Variants in CPQ observed in about 807,000 individuals in gnomAD.
CPQ encodes carboxypeptidase Q, also known as Ser-Met dipeptidase.
Under a neutral mutation model 45.7 loss-of-function variants are expected in CPQ, and 37 were observed. The ratio of observed to expected loss-of-function variants is 0.81; its 90% CI spans 0.62 to 1.07. CPQ has a LOEUF of 1.07. CPQ is among the 50% of genes least tolerant of loss of function. The pLI is 0.00. For missense variants in CPQ, 537 were observed against 572.9 expected (o/e 0.94, Z 0.64); for synonymous variants, 186 against 205.8 (o/e 0.90, Z 0.82).
At chr8:96,972,652 T>G (rs1813699164) in intron 5 of CPQ, among the ~76,000 whole-genome samples, 1 of 152,130 alleles carries the variant, frequency 6.6e-6, no homozygotes, top group Non-Finnish European at 1.5e-5. Context: ...GCTAATTCCA[T>G]CAGAGCAGGT....
chr8:96,893,554 A>G (rs552084691), intron 4 of CPQ, among the ~76,000 whole-genome samples: 10 of 152,166 alleles, frequency 6.6e-5, no homozygotes, highest in Non-Finnish European at 1.5e-4. Flanking sequence ...GTCCCACATA[A>G]TCCCAACAAT....
intron 7 of CPQ, among the ~76,000 whole-genome samples, chr8:97,140,151 A>G (rs1474764488): frequency 6.6e-6 from 1 of 151,964 alleles, no homozygotes; most frequent in Non-Finnish European, 1.5e-5. Context: ...GAGCATTTAG[A>G]CAAAACTCAC....
At chr8:96,996,610 GTGTATCTGTACATA>G (rs1809182696) in intron 5 of CPQ, among the ~76,000 whole-genome samples, 1 of 151,980 alleles carries the variant, frequency 6.6e-6, no homozygotes, top group Non-Finnish European at 1.5e-5. Context: ...GAGTCAAAAT[GTGTATCTGTACATA>G]GTATATTTAT....
intron 4 of CPQ, among the ~76,000 whole-genome samples, chr8:96,926,656 C>T (rs1328573199): frequency 6.7e-6 from 1 of 150,244 alleles, no homozygotes; most frequent in Non-Finnish European, 1.5e-5. Flanking sequence ...TCTCCTTCTC[C>T]TTCTCCCTAT....
intron 4 of CPQ, among the ~76,000 whole-genome samples, chr8:96,965,608 A>G (rs1272518588): frequency 6.6e-6 from 1 of 152,000 alleles, no homozygotes; most frequent in East Asian, 1.9e-4. Flanking sequence ...TGACCTCGTG[A>G]TCCACCCGCC....
At chr8:96,947,308 G>A (rs899118647) in intron 4 of CPQ, among the ~76,000 whole-genome samples, 47 of 152,258 alleles carry the variant, frequency 3.1e-4, no homozygotes, top group African/African-American at 1.1e-3. Context: ...TAATGGAGTA[G>A]GCTATATCAT....
chr8:96,757,559 A>G lies in CPQ; in HGVS notation c.-34-27305A>G, dbSNP rs191537842. 4.7e-3 allele frequency among the ~76,000 whole-genome samples: 716 copies of G among 151,690 alleles called. 11 individuals carry two copies. The highest frequency in any genetic ancestry group is 0.012 in the African/African-American group (505 of 41,430). On this transcript the variant is annotated intron_variant, in intron 1 of 7. Coordinates refer to ENST00000220763, the MANE Select transcript of CPQ (RefSeq NM_016134.4). ...CTTCAGTTTCATTCTGTTCTTCATTATTGTCAATATGCTTTTAAACTCTTG... is the reference window on the plus strand; with the variant it reads ...CTTCAGTTTCATTCTGTTCTTCATTGTTGTCAATATGCTTTTAAACTCTTG...
At chr8:96,948,786 A>C (rs1156426180) in intron 4 of CPQ, among the ~76,000 whole-genome samples, 1 of 151,790 alleles carries the variant, frequency 6.6e-6, no homozygotes. Context: ...TTCTTCCTTC[A>C]GTTCTGTTAA....
At chr8:96,759,912 G>A (rs1333973400) in intron 1 of CPQ, among the ~76,000 whole-genome samples, 1 of 152,146 alleles carries the variant, frequency 6.6e-6, no homozygotes, top group Non-Finnish European at 1.5e-5. Flanking sequence ...AGTAGGAATT[G>A]TTATTATTCC....
chr8:96,657,271 G>A (rs753779869), intron 1 of CPQ, among the ~76,000 whole-genome samples: 1 of 152,096 alleles, frequency 6.6e-6, no homozygotes, highest in African/African-American at 2.4e-5. Flanking sequence ...CTTGAACCCA[G>A]GAGGCAGAGG....
intron 1 of CPQ, among the ~76,000 whole-genome samples, chr8:96,700,990 T>C (rs569327519): frequency 2.0e-5 from 3 of 152,346 alleles, no homozygotes; most frequent in African/African-American, 7.2e-5. Context: ...TTGTGGAATA[T>C]TCCCAGATGT....
At chr8:96,725,154 T>C (rs1809820054) in intron 1 of CPQ, among the ~76,000 whole-genome samples, 1 of 152,218 alleles carries the variant, frequency 6.6e-6, no homozygotes, top group African/African-American at 2.4e-5. Context: ...GGATGTACCA[T>C]TCTGGACATT....
At chr8:96,771,180 TA>T in intron 1 of CPQ, among the ~76,000 whole-genome samples, 1 of 150,090 alleles carries the variant, frequency 6.7e-6, no homozygotes, top group South Asian at 2.1e-4. Flanking sequence ...TTTAAACTTT[TA>T]AAAAATCAGA....
At chr8:97,099,093 G>A (rs1811256325) in intron 7 of CPQ, among the ~76,000 whole-genome samples, 2 of 136,098 alleles carry the variant, frequency 1.5e-5, no homozygotes, top group Admixed American at 1.5e-4. Context: ...TCTGGAAGAA[G>A]TCCCAAAACT....
At chr8:96,819,442 T>C (rs1440432220) in intron 2 of CPQ, among the ~76,000 whole-genome samples, 1 of 151,920 alleles carries the variant, frequency 6.6e-6, no homozygotes, top group African/African-American at 2.4e-5. Flanking sequence ...ATTTTTAAGA[T>C]TAGGAAACAA....
Position 96,919,210 on chromosome 8 carries a change from C to T in CPQ, c.849+39205C>T, listed in dbSNP as rs79438090. On this transcript the variant is annotated intron_variant, in intron 4 of 7. Transcript: ENST00000220763. ...GCCAAGTTAAACCTGAAGTCCCATA[C>T]CTGGTCTACATTTTGTATGACCACA... is the stretch of plus-strand genomic sequence containing the variant. Among the ~76,000 whole-genome samples, 849 of 152,104 alleles carry T rather than the reference C, an allele frequency of 5.6e-3. 8 individuals are homozygous for T. Among genetic ancestry groups the T allele is most frequent in the African/African-American group, 0.019 (787 of 41,476 alleles).
At chr8:96,886,215 G>A (rs1812305559) in intron 4 of CPQ, among the ~76,000 whole-genome samples, 2 of 152,146 alleles carry the variant, frequency 1.3e-5, no homozygotes, top group South Asian at 4.1e-4. Context: ...GTGCATGAGT[G>A]CACTTCACTG....
chr8:96,926,869 TC>T (rs1387501122), intron 4 of CPQ, among the ~76,000 whole-genome samples: 2 of 152,032 alleles, frequency 1.3e-5, no homozygotes, highest in African/African-American at 4.8e-5. Context: ...GATGTTCCCC[TC>T]CCTGTGTCCA....
intron 5 of CPQ, among the ~76,000 whole-genome samples, chr8:96,966,826 T>C (rs1030625349): frequency 5.3e-5 from 8 of 152,232 alleles, no homozygotes; most frequent in African/African-American, 1.9e-4. Flanking sequence ...ACAGAAAATA[T>C]TTTGACCACC....
Sources: gnomAD v4.1 joint callset for allele counts (sites outside exome capture counted in the v4.1 genomes callset) on GRCh38, gnomAD v4.1.1 for gene constraint, MANE v1.5 for transcripts, NCBI Gene and HGNC (gene_info 2026-07-23, HGNC 2026-07-21) for gene names.